RSRC1: variants seen among roughly 807,000 people sequenced by gnomAD.
The protein encoded by RSRC1 is serine/Arginine-related protein 53.
A neutral mutation model predicts 49.1 loss-of-function variants in RSRC1; 39 were observed. That is an observed-to-expected ratio of 0.79 (90% CI 0.61 to 1.04). The LOEUF is 1.04. RSRC1 is among the 50% of genes least tolerant of loss of function. The pLI is 0.00. For synonymous variants in RSRC1, 143 were observed against 130.8 expected, an observed-to-expected ratio of 1.09 and a Z score of -0.63; for missense variants, 388 against 402.4, an observed-to-expected ratio of 0.96 and a Z score of 0.31.
chr3:158,514,834 T>G (rs529180401), intron 7 of RSRC1, among the ~76,000 whole-genome samples: 2 of 152,336 alleles, frequency 1.3e-5, no homozygotes, highest in East Asian at 3.9e-4. Context: ...AAGATAGTTA[T>G]CTCTTCTTGT....
At chr3:158,116,763 A>G (rs962945507) in intron 1 of RSRC1, among the ~76,000 whole-genome samples, 4 of 152,262 alleles carry the variant, frequency 2.6e-5, no homozygotes, top group Non-Finnish European at 4.4e-5. Context: ...GAGATCCCCA[A>G]GGGTCTACAG....
chr3:158,119,568 A>G (rs1285048118), intron 1 of RSRC1, among the ~76,000 whole-genome samples: 1 of 152,042 alleles, frequency 6.6e-6, no homozygotes, highest in Non-Finnish European at 1.5e-5. Context: ...AAATGAAATT[A>G]TTATCATTCA....
intron 4 of RSRC1, among the ~76,000 whole-genome samples, chr3:158,211,594 A>G (rs1442095459): frequency 6.6e-6 from 1 of 151,980 alleles, no homozygotes; most frequent in African/African-American, 2.4e-5. Flanking sequence ...TATGGAGTCT[A>G]AAAATACCTC....
chr3:158,399,117 TATTTCC>T (rs1317522362), intron 6 of RSRC1, among the ~76,000 whole-genome samples: 2 of 142,132 alleles, frequency 1.4e-5, no homozygotes, highest in Non-Finnish European at 3.1e-5. Context: ...GAAATACTAT[TATTTCC>T]TTTTTTTTTT....
At chr3:158,523,352 G>A (rs1711813530) in intron 7 of RSRC1, among the ~76,000 whole-genome samples, 1 of 151,890 alleles carries the variant, frequency 6.6e-6, no homozygotes, top group South Asian at 2.1e-4. Flanking sequence ...TTTTTAAAAA[G>A]AAAAGTTAGA....
intron 6 of RSRC1, among the ~76,000 whole-genome samples, chr3:158,459,982 A>G (rs920632469): frequency 1.3e-5 from 2 of 151,928 alleles, no homozygotes; most frequent in Admixed American, 1.3e-4. Flanking sequence ...TTGATTTTGC[A>G]TAGGAAAAAT....
intron 4 of RSRC1, among the ~76,000 whole-genome samples, chr3:158,243,234 A>T (rs1004897621): frequency 5.3e-5 from 8 of 152,150 alleles, no homozygotes; most frequent in Admixed American, 4.6e-4. Context: ...TATATGGTGT[A>T]AAGAAGGGGT....
intron 1 of RSRC1, among the ~76,000 whole-genome samples, chr3:158,110,885 T>TA (rs1435049499): frequency 6.6e-6 from 1 of 152,250 alleles, no homozygotes; most frequent in African/African-American, 2.4e-5. Flanking sequence ...CAATGCACCG[T>TA]AAGGCATGTT....
intron 6 of RSRC1, among the ~76,000 whole-genome samples, chr3:158,407,747 C>G (rs1478416711): frequency 1.3e-5 from 2 of 152,112 alleles, no homozygotes; most frequent in Non-Finnish European, 1.5e-5. Context: ...AACACCTCAT[C>G]AAGAAGTTCA....
chr3:158,429,442 T>A (rs2108353813), intron 6 of RSRC1, among the ~76,000 whole-genome samples: 1 of 138,936 alleles, frequency 7.2e-6, no homozygotes, highest in African/African-American at 2.8e-5. Context: ...TATACATGTC[T>A]TGTATTTTAT....
chr3:158,198,259 C>G (rs1165905668), intron 3 of RSRC1, among the ~76,000 whole-genome samples: 6 of 152,042 alleles, frequency 3.9e-5, no homozygotes, highest in Non-Finnish European at 7.3e-5. Context: ...CCTTCTTGGT[C>G]TCTTTTGATT....
At chr3:158,442,055 G>A (rs139619854) in intron 6 of RSRC1, among the ~76,000 whole-genome samples, 6 of 152,210 alleles carry the variant, frequency 3.9e-5, no homozygotes, top group African/African-American at 1.2e-4. Context: ...AAAAAACAAT[G>A]TACATGACTT....
chr3:158,529,265 T>A (rs1181020305), intron 7 of RSRC1, among the ~76,000 whole-genome samples: 1 of 150,394 alleles, frequency 6.6e-6, no homozygotes, highest in Non-Finnish European at 1.5e-5. Context: ...TGTATTTTAC[T>A]GAATGAGTAA....
chr3:158,352,188 C>T (rs2108234317), intron 5 of RSRC1, among the ~76,000 whole-genome samples: 1 of 152,112 alleles, frequency 6.6e-6, no homozygotes, highest in East Asian at 1.9e-4. Flanking sequence ...AGGAAGATTA[C>T]TTAAGCCCAG....
intron 3 of RSRC1, among the ~76,000 whole-genome samples, chr3:158,157,073 T>G (rs1397649714): frequency 6.6e-6 from 1 of 152,230 alleles, no homozygotes; most frequent in African/African-American, 2.4e-5. Flanking sequence ...CAAACAGCAC[T>G]TTTAAAAAGG....
intron 6 of RSRC1, among the ~76,000 whole-genome samples, chr3:158,422,165 G>A (rs1304056066): frequency 2.5e-4 from 36 of 145,952 alleles, no homozygotes; most frequent in Non-Finnish European, 4.1e-4. Flanking sequence ...ATGCTGGTGC[G>A]CTGCACCCAC....
chr3:158,199,260 CTT>C (rs1292982089), intron 3 of RSRC1, among the ~76,000 whole-genome samples: 1 of 152,098 alleles, frequency 6.6e-6, no homozygotes, highest in African/African-American at 2.4e-5. Flanking sequence ...TAATAAACCT[CTT>C]TCTTTTGTAA....
intron 3 of RSRC1, among the ~76,000 whole-genome samples, chr3:158,194,077 A>ACACACACACG (rs1196248371): frequency 6.8e-6 from 1 of 147,694 alleles, no homozygotes; most frequent in African/African-American, 2.5e-5. Flanking sequence ...ACACACACAC[A>ACACACACACG]CACACACACA....
At chr3:158,443,304 T>C (rs983677591) in intron 6 of RSRC1, among the ~76,000 whole-genome samples, 1 of 152,186 alleles carries the variant, frequency 6.6e-6, no homozygotes, top group Non-Finnish European at 1.5e-5. Context: ...TTTGTCTGCA[T>C]TGAAAATCTG....
Sources: gnomAD v4.1 joint callset for allele counts (sites outside exome capture counted in the v4.1 genomes callset) on GRCh38, gnomAD v4.1.1 for gene constraint, MANE v1.5 for transcripts, NCBI Gene and HGNC (gene_info 2026-07-23, HGNC 2026-07-21) for gene names.